Variants in TMEM266 observed in about 807,000 individuals in gnomAD.
TMEM266 encodes the protein transmembrane protein 266.
A neutral mutation model predicts 50.5 loss-of-function variants in TMEM266; 33 were observed. The observed-to-expected ratio is 0.65, with a 90% confidence interval of 0.50 to 0.87. The LOEUF (loss-of-function observed/expected upper bound fraction) is 0.87, where lower values mean the gene tolerates loss of function less well. Among genes scored for constraint, TMEM266 ranks in the 40% least tolerant of loss-of-function variants. TMEM266 has a pLI of 0.00. For missense variants in TMEM266, 655 were observed against 695.1 expected (o/e 0.94, Z 0.65); for synonymous variants, 310 against 292.3 (o/e 1.06, Z -0.62).
Position 76,066,175 on chromosome 15 carries a change from C to T in TMEM266, c.-97+6159C>T, listed in dbSNP as rs146076712. 6.3e-3 allele frequency among the ~76,000 whole-genome samples: 966 copies of T among 152,306 alleles called. 8 individuals carry two copies. The highest frequency in any genetic ancestry group is 0.022 in the African/African-American group (905 of 41,568). On this transcript the variant is annotated intron_variant, in intron 1 of 10. Coordinates refer to ENST00000388942, the MANE Select transcript of TMEM266 (RefSeq NM_152335.3). ...AACTCATATCTTTTAACTGCCAAAA[C>T]ATTATGGTTTTACTTGGCCCTTCCA...
chr15:76,069,540 C>T (rs970780906), intron 1 of TMEM266, among the ~76,000 whole-genome samples: 2 of 152,070 alleles, frequency 1.3e-5, no homozygotes, highest in East Asian at 1.9e-4. Flanking sequence ...CCTGGTGGGC[C>T]GGGTGTGGTG....
At chr15:76,192,901 A>G (rs988638415) in intron 9 of TMEM266, among the ~76,000 whole-genome samples, 1 of 152,198 alleles carries the variant, frequency 6.6e-6, no homozygotes, top group Non-Finnish European at 1.5e-5. Flanking sequence ...CACCCAAGCC[A>G]GGAAATGGTG....
chr15:76,082,904 G>A (rs1010135563), intron 1 of TMEM266, among the ~76,000 whole-genome samples: 1 of 152,094 alleles, frequency 6.6e-6, no homozygotes, highest in Non-Finnish European at 1.5e-5. Context: ...AGGAGGAGGA[G>A]GTTGCAGTGA....
intron 1 of TMEM266, among the ~76,000 whole-genome samples, chr15:76,060,510 G>T (rs2959849): frequency 0.019 from 2,841 of 152,262 alleles, 100 homozygotes; most frequent in African/African-American, 0.064. Flanking sequence ...GGCTTCCCCC[G>T]TTTGTCGGGA....
At chr15:76,203,348 G>T (rs1203361390) in intron 10 of TMEM266, among the ~76,000 whole-genome samples, 1 of 152,184 alleles carries the variant, frequency 6.6e-6, no homozygotes, top group Non-Finnish European at 1.5e-5. Context: ...ACTGTAGGTT[G>T]GCTGGGGGCT....
intron 1 of TMEM266, among the ~76,000 whole-genome samples, chr15:76,129,497 C>T (rs923623991): frequency 2.0e-5 from 3 of 151,886 alleles, no homozygotes; most frequent in Non-Finnish European, 4.4e-5. Flanking sequence ...CAAAATTAGC[C>T]GGGCGTGGTG....
At chr15:76,106,542 C>T (rs892631608) in intron 1 of TMEM266, among the ~76,000 whole-genome samples, 7 of 152,096 alleles carry the variant, frequency 4.6e-5, no homozygotes, top group South Asian at 2.1e-4. Context: ...TGAACTCAAG[C>T]GATCCTCCTG....
rs141537683 is a variant in TMEM266 at position 76,128,669 on chromosome 15, C to T, written c.-96-5499C>T. ...TAACAAACAGGCTCAGCATTCCCAT[C>T]GTCATAGGGAATTTTGCCTTCTAAA... On this transcript the variant is annotated intron_variant, in intron 1 of 10. Coordinates refer to ENST00000388942, the MANE Select transcript of TMEM266 (RefSeq NM_152335.3). 1.7e-4 allele frequency among the ~76,000 whole-genome samples: 26 copies of T among 152,320 alleles called. No individual in the cohort carries two copies. In the East Asian group the frequency reaches 1.9e-3, roughly 11 times the overall value.
chr15:76,195,326 A>C (rs2038638169), intron 9 of TMEM266, among the ~76,000 whole-genome samples: 1 of 152,192 alleles, frequency 6.6e-6, no homozygotes, highest in African/African-American at 2.4e-5. Context: ...GTAACTGATC[A>C]AAGAACAAAA....
Position 76,150,114 on chromosome 15 carries a change from C to T in TMEM266, c.228-6490C>T, listed in dbSNP as rs778535566. On this transcript the variant is annotated intron_variant, in intron 3 of 10. Coordinates refer to ENST00000388942, the MANE Select transcript of TMEM266 (RefSeq NM_152335.3). ...GGAGCCTGGGTATCCTTAGATTATC[C>T]GTCAGTGAGATTCAAGGAGTCCGTG... Among the ~76,000 whole-genome samples, 27 of 152,154 alleles carry T rather than the reference C, an allele frequency of 1.8e-4. 1 individual carries two copies. Among genetic ancestry groups the T allele is most frequent in the Admixed American group, 1.1e-3 (17 of 15,278 alleles).
intron 1 of TMEM266, among the ~76,000 whole-genome samples, chr15:76,124,614 C>T (rs2037391795): frequency 6.6e-6 from 1 of 151,936 alleles, no homozygotes. Context: ...GCCTAGGCAA[C>T]ATAGCAAGAC....
intron 1 of TMEM266, chr15:76,113,324 AT>A (rs2037202226): frequency 6.6e-6 from 1 of 152,360 alleles, no homozygotes; most frequent in African/African-American, 2.4e-5. Flanking sequence ...AAAATAAAAA[AT>A]AAAAGAAAGA....
intron 10 of TMEM266, among the ~76,000 whole-genome samples, chr15:76,203,519 C>T (rs1416700489): frequency 1.3e-5 from 2 of 152,328 alleles, no homozygotes; most frequent in Non-Finnish European, 2.9e-5. Context: ...TGTCACACGC[C>T]TACACTTGAG....
chr15:76,084,796 T>G (rs900730365), intron 1 of TMEM266, among the ~76,000 whole-genome samples: 5 of 150,054 alleles, frequency 3.3e-5, no homozygotes, highest in African/African-American at 1.2e-4. Context: ...GAGATGGGGG[T>G]TTCACCATAT....
chr15:76,099,249 C>T (rs902550898), intron 1 of TMEM266, among the ~76,000 whole-genome samples: 13 of 152,198 alleles, frequency 8.5e-5, no homozygotes, highest in Admixed American at 7.2e-4. Context: ...TTGCGTGTTG[C>T]GAAGACAGTG....
chr15:76,104,065 G>T (rs1343640738), intron 1 of TMEM266, among the ~76,000 whole-genome samples: 2 of 151,822 alleles, frequency 1.3e-5, no homozygotes, highest in Non-Finnish European at 2.9e-5. Context: ...AAATTAGCTG[G>T]GCATGGTGGC....
chr15:76,162,841 G>C (rs959278885), intron 5 of TMEM266, among the ~76,000 whole-genome samples: 1 of 152,208 alleles, frequency 6.6e-6, no homozygotes, highest in Non-Finnish European at 1.5e-5. Context: ...TGAGTACCAC[G>C]TCTTCAGGTC....
intron 1 of TMEM266, among the ~76,000 whole-genome samples, chr15:76,095,901 T>C (rs964656593): frequency 2.6e-5 from 4 of 152,120 alleles, no homozygotes; most frequent in Non-Finnish European, 5.9e-5. Flanking sequence ...TTTATTTGCG[T>C]AGAGGTATTT....
chr15:76,125,088 A>G (rs766741525), intron 1 of TMEM266, among the ~76,000 whole-genome samples: 1 of 152,194 alleles, frequency 6.6e-6, no homozygotes, highest in Non-Finnish European at 1.5e-5. Context: ...CACAATGGGA[A>G]AAGGATAGTC....
Sources: allele counts gnomAD v4.1 joint callset (sites outside exome capture counted in the v4.1 genomes callset), GRCh38; gene constraint gnomAD v4.1.1; transcripts MANE v1.5; gene names NCBI Gene and HGNC (gene_info 2026-07-23, HGNC 2026-07-21).